Variants in ABR observed in about 807,000 individuals in gnomAD.
The protein encoded by ABR is ABR activator of RhoGEF and GTPase, also known as active breakpoint cluster region-related protein.
ABR carries 35 observed loss-of-function variants against 107.2 expected under a neutral mutation model. That is an observed-to-expected ratio of 0.33 (90% CI 0.25 to 0.43). The LOEUF is 0.43. Among genes scored for constraint, ABR ranks in the 20% least tolerant of loss-of-function variants. The pLI, the probability that ABR is intolerant of heterozygous loss-of-function variation, is 1.00. For missense variants in ABR, 815 were observed against 1,115.2 expected (o/e 0.73, Z 3.83); for synonymous variants, 498 against 462.0 (o/e 1.08, Z -1.00).
At chr17:1,046,727 C>T (rs2031677534) in intron 16 of ABR, among the ~76,000 whole-genome samples, 1 of 152,220 alleles carries the variant, frequency 6.6e-6, no homozygotes, top group Non-Finnish European at 1.5e-5. Context: ...GACGTGGGGA[C>T]ATGGCACAGA....
At chr17:1,121,544 C>A (rs953403748) in intron 2 of ABR, among the ~76,000 whole-genome samples, 4 of 84,910 alleles carry the variant, frequency 4.7e-5, no homozygotes, top group Non-Finnish European at 9.1e-5. Flanking sequence ...GGAGCTGAGT[C>A]CCCCCAGGCA....
At chr17:1,097,873 C>G (rs1207935175) in intron 3 of ABR, among the ~76,000 whole-genome samples, 2 of 152,086 alleles carry the variant, frequency 1.3e-5, no homozygotes, top group African/African-American at 4.8e-5. Context: ...GACGGGTTGT[C>G]TCTTTGCCTG....
chr17:1,184,163 A>G (rs1307654178), upstream of ABR, among the ~76,000 whole-genome samples: 1 of 151,574 alleles, frequency 6.6e-6, no homozygotes, highest in Non-Finnish European at 1.5e-5. Context: ...TCTCAAAAAA[A>G]AAAAAGCCAG....
chr17:1,165,015 T>C (rs2041450870), intron 1 of ABR, among the ~76,000 whole-genome samples: 4 of 152,240 alleles, frequency 2.6e-5, no homozygotes, highest in Admixed American at 2.6e-4. Flanking sequence ...TATTTTTATT[T>C]GCTGAAAAAC....
Position 1,005,911 on chromosome 17 carries a change from TG to T in ABR, c.*168del. Reference sequence around the variant, plus strand: ...GAGGCTGGGGCTGGGCAGCCGGCTTTGTACAAGGTGGCACAAAAGACGTACG... The same window carrying T: ...GAGGCTGGGGCTGGGCAGCCGGCTTTTACAAGGTGGCACAAAAGACGTACG... On this transcript the variant is annotated 3_prime_UTR_variant, in exon 23 of 23. Transcript: ENST00000302538. 1.5e-6 allele frequency: 1 copy of T among 666,316 alleles called. No individual in the cohort carries two copies. The highest frequency in any genetic ancestry group is 1.8e-5 in the South Asian group (1 of 55,520). 41.3% of individuals were successfully genotyped at this position (666,316 alleles called of 1,614,324 possible).
intron 2 of ABR, among the ~76,000 whole-genome samples, chr17:1,117,960 TC>T (rs370269958): frequency 1.3e-5 from 1 of 74,158 alleles, no homozygotes; most frequent in Non-Finnish European, 2.8e-5. Flanking sequence ...GCCTGAGTTC[TC>T]CCCAGCGTTA....
At chr17:1,213,550 C>A (rs531268375) in intron 1 of ABR, among the ~76,000 whole-genome samples, 2 of 152,128 alleles carry the variant, frequency 1.3e-5, no homozygotes, top group East Asian at 1.9e-4. Context: ...CCACTATGCC[C>A]GGCTAATTTT....
At chr17:1,127,095 TC>T (rs1308296613) in intron 1 of ABR, among the ~76,000 whole-genome samples, 3 of 152,074 alleles carry the variant, frequency 2.0e-5, no homozygotes, top group African/African-American at 7.2e-5. Context: ...GCCGAGCGCT[TC>T]CCCTAGGCTC....
chr17:1,206,121 AAG>A (rs1447891519), intron 1 of ABR, among the ~76,000 whole-genome samples: 1 of 152,142 alleles, frequency 6.6e-6, no homozygotes, highest in Non-Finnish European at 1.5e-5. Flanking sequence ...TCTCAAAAAA[AAG>A]AGAAACAAAA....
At chr17:1,146,618 AC>A (rs2040538763) in intron 1 of ABR, among the ~76,000 whole-genome samples, 4 of 146,080 alleles carry the variant, frequency 2.7e-5, no homozygotes, top group Admixed American at 2.7e-4. Flanking sequence ...ACATGACACC[AC>A]TGCCACCACT....
At chr17:1,095,780 G>A (rs1244618759) in intron 3 of ABR, among the ~76,000 whole-genome samples, 1 of 152,190 alleles carries the variant, frequency 6.6e-6, no homozygotes, top group Non-Finnish European at 1.5e-5. Flanking sequence ...CCAGCGACCG[G>A]CCTTTCGAAA....
chr17:1,113,616 C>T (rs117702716), intron 2 of ABR, among the ~76,000 whole-genome samples: 1,650 of 152,226 alleles, frequency 0.011, 40 homozygotes, highest in East Asian at 0.11. Context: ...CGACTTTAAA[C>T]GTCACCTCCT....
At chr17:1,041,924 A>C (rs1303278306) in intron 16 of ABR, among the ~76,000 whole-genome samples, 1 of 151,966 alleles carries the variant, frequency 6.6e-6, no homozygotes, top group Non-Finnish European at 1.5e-5. Context: ...CTTGGCCGGG[A>C]GGGGGAGAGA....
intron 1 of ABR, among the ~76,000 whole-genome samples, chr17:1,195,125 G>A (rs531817760): frequency 0.025 from 3,650 of 143,620 alleles, 146 homozygotes; most frequent in African/African-American, 0.088. Context: ...GGCTAACACG[G>A]TGAAACCCCG....
rs575979016 is a variant in ABR at position 1,048,026 on chromosome 17, G to A, written c.1791+2024C>T. Among the ~76,000 whole-genome samples the A allele has an allele frequency of 1.4e-4, 21 of 152,318 alleles. No individual in the cohort carries two copies. The South Asian group carries it at 4.3e-3, about 32-fold the overall frequency. ...CGTGGCGACCACTCGTCTCTTGCCT[G>A]GGCGTCTCCTGGGGCTGCACAGGCC... is the stretch of plus-strand genomic sequence containing the variant. On this transcript the variant is annotated intron_variant, in intron 16 of 22. Transcript: ENST00000302538.
chr17:1,028,912 G>A (rs971565910), intron 16 of ABR, among the ~76,000 whole-genome samples: 10 of 150,180 alleles, frequency 6.7e-5, no homozygotes, highest in South Asian at 2.1e-4. Flanking sequence ...GCCTCCTCAC[G>A]GCTCCCACAA....
intron 1 of ABR, among the ~76,000 whole-genome samples, chr17:1,214,818 A>ATG (rs2042968619): frequency 1.3e-5 from 2 of 151,576 alleles, no homozygotes; most frequent in South Asian, 4.2e-4. Flanking sequence ...AAAAATATAT[A>ATG]TATTTGATTG....
At chr17:1,170,544 C>A (rs1025555645) in intron 1 of ABR, among the ~76,000 whole-genome samples, 1 of 152,148 alleles carries the variant, frequency 6.6e-6, no homozygotes, top group African/African-American at 2.4e-5. Flanking sequence ...TCAAGCAATT[C>A]TCCTACCTCA....
Position 1,011,638 on chromosome 17 carries a change from T to G in ABR, c.2101+208A>C. On this transcript the variant is annotated intron_variant, in intron 19 of 22. Coordinates refer to ENST00000302538, the MANE Select transcript of ABR (RefSeq NM_021962.5). The surrounding 1 kb of genome is among the most constrained non-coding windows in gnomAD (Gnocchi z 4.8). ...TCATCCTGGGCAAGTGAGTCGGCCC[T>G]TGTGAGTTTCTGCAGTTGCTTACCT... is the stretch of plus-strand genomic sequence containing the variant. 1 of 508,156 alleles carries G rather than the reference T, an allele frequency of 2.0e-6. No individual in the cohort carries two copies. Among genetic ancestry groups the G allele is most frequent in the East Asian group, 3.4e-5 (1 of 29,484 alleles). The allele number at this position is 508,156 out of a possible 1,614,324, so 31.5% of individuals were successfully genotyped here.
Sources: gnomAD v4.1 joint callset for allele counts (sites outside exome capture counted in the v4.1 genomes callset) on GRCh38, gnomAD v4.1.1 for gene constraint, Gnocchi (gnomAD v3.1) non-coding constraint, MANE v1.5 for transcripts, NCBI Gene and HGNC (gene_info 2026-07-23, HGNC 2026-07-21) for gene names.